KDM2B: variants seen among roughly 807,000 people sequenced by gnomAD.
KDM2B encodes the protein lysine demethylase 2B, also known as lysine-specific demethylase 2B.
A neutral mutation model predicts 150.0 loss-of-function variants in KDM2B; 26 were observed. The observed-to-expected ratio is 0.17, with a 90% confidence interval of 0.13 to 0.24. The LOEUF (loss-of-function observed/expected upper bound fraction) is 0.24, where lower values mean the gene tolerates loss of function less well. Ranked by LOEUF, KDM2B falls within the 10% of genes least tolerant of loss-of-function variation. KDM2B has a pLI of 1.00. For missense variants in KDM2B, 1,265 were observed against 1,816.9 expected (o/e 0.70, Z 5.52); for synonymous variants, 734 against 729.5 (o/e 1.01, Z -0.10).
chr12:121,456,671 C>T (rs1422938133), intron 12 of KDM2B, among the ~76,000 whole-genome samples: 1 of 152,194 alleles, frequency 6.6e-6, no homozygotes, highest in Admixed American at 6.5e-5. Context: ...AGTGTCTGGG[C>T]AAGTAAAAAC....
At chr12:121,532,573 G>C (rs905661296) in intron 8 of KDM2B, among the ~76,000 whole-genome samples, 5 of 152,208 alleles carry the variant, frequency 3.3e-5, no homozygotes, top group Non-Finnish European at 7.3e-5. Context: ...CCCCTGAGAG[G>C]GCCCAAGGCC....
At position 121,500,294 on chromosome 12, in the gene KDM2B, C is replaced by A. The variant is rs184302481; in HGVS notation, c.1648-5629G>T. 1.0e-3 allele frequency among the ~76,000 whole-genome samples: 153 copies of A among 152,230 alleles called. 2 individuals are homozygous for A. The highest frequency in any genetic ancestry group is 3.2e-3 in the African/African-American group (134 of 41,532). ...AGGCTGGGTGCCCTCACCAGCTCAG[C>A]CCCCTAAGGGTTACACCTTACACGC... On this transcript the variant is annotated intron_variant, in intron 11 of 22. Transcript: ENST00000377071.
intron 17 of KDM2B, chr12:121,443,455 C>T (rs1593752928): frequency 1.7e-6 from 1 of 594,504 alleles, no homozygotes. Context: ...CCAGGCTCCT[C>T]AGAGGTTCCC....
chr12:121,447,492 A>G (rs1029752916), intron 13 of KDM2B, among the ~76,000 whole-genome samples: 7 of 151,958 alleles, frequency 4.6e-5, no homozygotes, highest in Non-Finnish European at 1.0e-4. Flanking sequence ...ATCCACCCAC[A>G]TCGGCCTCCC....
In KDM2B at chr12:121,496,493, C is replaced by CTTT. The variant is rs782450832; in HGVS notation, c.1648-1831_1648-1829dup. ...CTTCCAGTTTACTCTGCTCATTGTC[C>CTTT]TTTTTTTTTTTTTTTTTTTTTGAGA... On this transcript the variant is annotated intron_variant, in intron 11 of 22. Transcript: ENST00000377071. Among the ~76,000 whole-genome samples, 128 of 121,454 alleles carry CTTT rather than the reference C, an allele frequency of 1.1e-3. 1 individual carries two copies. The highest frequency in any genetic ancestry group is 2.2e-3 in the African/African-American group (65 of 29,250). The allele number at this position is 121,454 out of a possible 152,430, so 79.7% of individuals were successfully genotyped here.
Position 121,467,143 on chromosome 12 carries a change from C to T in KDM2B, c.1735-13799G>A, listed in dbSNP as rs1409526248. On this transcript the variant is annotated intron_variant, in intron 12 of 22. Transcript: ENST00000377071. This position sits in a 1 kb window ranked among gnomAD's most constrained non-coding sequence, Gnocchi z 5.1. ...GCGGCGGGTCCCTCCCTCAGCCCCA[C>T]CCCGGGCCGCCGACCTGGTCCGGCT... 2.7e-6 allele frequency: 3 copies of T among 1,122,950 alleles called. No individual in the cohort carries two copies. Among genetic ancestry groups the T allele is most frequent in the Non-Finnish European group, 3.3e-6 (3 of 899,490 alleles). The allele number at this position is 1,122,950 out of a possible 1,614,324, so 69.6% of individuals were successfully genotyped here.
intron 10 of KDM2B, among the ~76,000 whole-genome samples, chr12:121,511,692 G>A (rs1183130721): frequency 2.6e-5 from 4 of 152,172 alleles, no homozygotes; most frequent in African/African-American, 4.8e-5. Context: ...TCTGTGAATA[G>A]ACTAAAAACC....
At chr12:121,437,794 T>G (rs1874255175) in intron 22 of KDM2B, among the ~76,000 whole-genome samples, 1 of 152,234 alleles carries the variant, frequency 6.6e-6, no homozygotes. Context: ...TGTCATCTAT[T>G]TTGTGGCACA....
chr12:121,527,101 G>A lies in KDM2B; in HGVS notation c.931+5705C>T, dbSNP rs962618307. Among the ~76,000 whole-genome samples the A allele has an allele frequency of 4.8e-3, 725 of 151,790 alleles. 3 individuals are homozygous for A. The highest frequency in any genetic ancestry group is 7.0e-3 in the Non-Finnish European group (476 of 67,930). Reference sequence around the variant, plus strand: ...CTCGCTCTGTCGCCCAGGCTGGAGTGCAGTGACGTGATCTCTGCTCACTGC... The same window carrying A: ...CTCGCTCTGTCGCCCAGGCTGGAGTACAGTGACGTGATCTCTGCTCACTGC... On this transcript the variant is annotated intron_variant, in intron 8 of 22. Transcript: ENST00000377071.
intron 12 of KDM2B, among the ~76,000 whole-genome samples, chr12:121,480,937 T>A (rs1487501383): frequency 6.6e-6 from 1 of 150,468 alleles, no homozygotes. Context: ...TTGTTGTTTT[T>A]TTTTTTTTGA....
Position 121,549,487 on chromosome 12 carries a change from C to T in KDM2B, c.549G>A (p.Leu183=). ...VISLEFSHTK[L]EHLVKRPTVV... ...CAGTCGGACGCTTGACCAAGTGCTC[C>T]AGCTTGGTGTGGCTGAACTCTAGGC... The change falls in exon 5 of 23, where the codon CTG becomes CTA. Residue 183 remains leucine, a synonymous_variant. Transcript: ENST00000377071. The surrounding 1 kb of genome is among the most constrained non-coding windows in gnomAD (Gnocchi z 4.4). 3 of 1,606,656 alleles carry T rather than the reference C, an allele frequency of 1.9e-6. No individual in the cohort carries two copies. Among genetic ancestry groups the T allele is most frequent in the Non-Finnish European group, 2.6e-6 (3 of 1,174,240 alleles).
the KDM2B span, chr12:121,420,880 C>G: frequency 1.2e-6 from 1 of 858,202 alleles, no homozygotes; most frequent in Middle Eastern, 3.1e-4. Context: ...TTTGAGAAAG[C>G]TGTGTACCAT....
At chr12:121,494,993 CT>C (rs1198644082) in intron 11 of KDM2B, among the ~76,000 whole-genome samples, 2 of 146,796 alleles carry the variant, frequency 1.4e-5, no homozygotes, top group Non-Finnish European at 3.0e-5. Context: ...CACACACAAA[CT>C]TTTTCTTTTT....
chr12:121,544,184 G>A (rs1285615987), intron 6 of KDM2B, among the ~76,000 whole-genome samples: 1 of 151,694 alleles, frequency 6.6e-6, no homozygotes, highest in Non-Finnish European at 1.5e-5. Flanking sequence ...GCTGATGTAG[G>A]AGGATCACTC....
Position 121,467,275 on chromosome 12 carries a change from C to A in KDM2B, c.1735-13931G>T. 1 of 987,672 alleles carries A rather than the reference C, an allele frequency of 1.0e-6. No individual in the cohort carries two copies. Among genetic ancestry groups the A allele is most frequent in the South Asian group, 4.4e-5 (1 of 22,904 alleles). The allele number at this position is 987,672 out of a possible 1,614,324, so 61.2% of individuals were successfully genotyped here. A position where few individuals can be genotyped will look rare whatever the true frequency, so the allele number is the denominator to read the frequency against. On this transcript the variant is annotated intron_variant, in intron 12 of 22. Coordinates refer to ENST00000377071, the MANE Select transcript of KDM2B (RefSeq NM_032590.5). The surrounding 1 kb of genome is among the most constrained non-coding windows in gnomAD (Gnocchi z 5.1). ...CTGGAGCGGCGCCGCCGCCGCCGCC[C>A]GCCCGGAGCAGGCTCGGCTCGCCCT...
intron 6 of KDM2B, among the ~76,000 whole-genome samples, chr12:121,547,481 G>A (rs1170928121): frequency 6.6e-6 from 1 of 152,170 alleles, no homozygotes; most frequent in Non-Finnish European, 1.5e-5. Flanking sequence ...ACTGAATTAA[G>A]GGCTGAGTGA....
chr12:121,423,296 A>G, the KDM2B span: 1 of 989,150 alleles, frequency 1.0e-6, no homozygotes, highest in Non-Finnish European at 1.5e-6. This position sits in a 1 kb window ranked among gnomAD's most constrained non-coding sequence, Gnocchi z 4.3. Flanking sequence ...GGGGTCATTC[A>G]GCAGGTGGCT....
chr12:121,511,373 G>A (rs1456776158), intron 10 of KDM2B, among the ~76,000 whole-genome samples: 2 of 132,198 alleles, frequency 1.5e-5, no homozygotes, highest in Admixed American at 8.5e-5. Flanking sequence ...CGCAACCTCC[G>A]CCTCCCAGGT....
chr12:121,582,251 G>T (rs1231617259), upstream of KDM2B, among the ~76,000 whole-genome samples: 2 of 151,234 alleles, frequency 1.3e-5, no homozygotes, highest in Admixed American at 1.3e-4. Context: ...ATCACATAGC[G>T]CGTATGTGCC....
Sources: allele counts gnomAD v4.1 joint callset (sites outside exome capture counted in the v4.1 genomes callset), GRCh38; gene constraint gnomAD v4.1.1; non-coding constraint Gnocchi (gnomAD v3.1); transcripts MANE v1.5; gene names NCBI Gene and HGNC (gene_info 2026-07-23, HGNC 2026-07-21).